CYFIP2: variants seen among roughly 807,000 people sequenced by gnomAD.
The protein encoded by CYFIP2 is cytoplasmic FMR1-interacting protein 2.
CYFIP2 carries 29 observed loss-of-function variants against 158.7 expected under a neutral mutation model. The observed-to-expected ratio is 0.18, with a 90% CI of 0.14 to 0.25. The LOEUF (loss-of-function observed/expected upper bound fraction) is 0.25, where lower values mean the gene tolerates loss of function less well. CYFIP2 is among the 10% of genes least tolerant of loss of function. The pLI, the probability that CYFIP2 is intolerant of heterozygous loss-of-function variation, is 1.00. For missense variants in CYFIP2, 852 were observed against 1,639.5 expected (o/e 0.52, Z 8.29); for synonymous variants, 585 against 617.6 (o/e 0.95, Z 0.78).
intron 26 of CYFIP2, among the ~76,000 whole-genome samples, chr5:157,368,890 T>G (rs75261950): frequency 1.5e-5 from 1 of 67,216 alleles, no homozygotes; most frequent in East Asian, 2.5e-4. Flanking sequence ...CCCAGAGGTT[T>G]TTTGTTTTTT....
chr5:157,276,562 C>T (rs1030270), intron 1 of CYFIP2, among the ~76,000 whole-genome samples: 15,852 of 152,168 alleles, frequency 0.1, 1,148 homozygotes, highest in East Asian at 0.24. Context: ...CACTTTCTAC[C>T]AGCCAAGCCA....
chr5:157,349,828 T>A (rs369648552), intron 23 of CYFIP2, among the ~76,000 whole-genome samples: 7 of 152,272 alleles, frequency 4.6e-5, no homozygotes, highest in Non-Finnish European at 1.0e-4. Context: ...TAAGGTGATA[T>A]CACATTGTGG....
intron 23 of CYFIP2, among the ~76,000 whole-genome samples, chr5:157,356,662 G>A (rs1763431748): frequency 6.6e-6 from 1 of 152,152 alleles, no homozygotes; most frequent in South Asian, 2.1e-4. Context: ...CACCTCCAGA[G>A]AGGGAAACAG....
chr5:157,354,169 A>G (rs1763258585), intron 23 of CYFIP2, among the ~76,000 whole-genome samples: 1 of 152,200 alleles, frequency 6.6e-6, no homozygotes, highest in Non-Finnish European at 1.5e-5. Context: ...ACACAGTAAT[A>G]ACATGGCTCT....
chr5:157,368,170 G>A (rs1394803153), intron 26 of CYFIP2, among the ~76,000 whole-genome samples: 2 of 152,210 alleles, frequency 1.3e-5, no homozygotes, highest in Non-Finnish European at 2.9e-5. Context: ...TGAGAAGAGT[G>A]ACTGCCTCTA....
chr5:157,296,625 G>GACA (rs1758273829), intron 4 of CYFIP2, 48 bp from the exon 5 acceptor site: 1 of 1,547,476 alleles, frequency 6.5e-7, no homozygotes, highest in South Asian at 1.1e-5. Flanking sequence ...ACAGTAATAA[G>GACA]ACAACAGGTG....
At chr5:157,333,158 G>A (rs115531820) in intron 20 of CYFIP2, among the ~76,000 whole-genome samples, 169 bp from the exon 21 acceptor site, 2,071 of 152,232 alleles carry the variant, frequency 0.014, 50 homozygotes, top group African/African-American at 0.046. Context: ...TAAACTTCCC[G>A]AGGCTCCACC....
chr5:157,366,162 C>CA (rs1286706817), intron 26 of CYFIP2, among the ~76,000 whole-genome samples: 5 of 152,148 alleles, frequency 3.3e-5, no homozygotes, highest in Non-Finnish European at 7.4e-5. Flanking sequence ...GGGGGGCTGT[C>CA]ATGTTTCATT....
chr5:157,288,651 C>T, intron 3 of CYFIP2: 1 of 455,900 alleles, frequency 2.2e-6, no homozygotes, highest in Non-Finnish European at 4.4e-6. Flanking sequence ...CTGACATCAA[C>T]CCTGTGAGGT....
At position 157,300,839 on chromosome 5, in the gene CYFIP2, T is replaced by A. The variant is rs1178497713; in HGVS notation, c.512T>A (p.Leu171Gln). The A allele has an allele frequency of 6.2e-7, 1 of 1,612,246 alleles. No individual in the cohort carries two copies. Among genetic ancestry groups the A allele is most frequent in the South Asian group, 1.1e-5 (1 of 91,000 alleles). The change falls in exon 6 of 31, where the codon CTG becomes CAG. Residue 171 changes from leucine to glutamine, a missense_variant. Coordinates refer to ENST00000620254, the MANE Select transcript of CYFIP2 (RefSeq NM_001037333.3). The part of the protein sequence containing the change: ...LGKFINMFAV[L>Q]DELKNMKCSV... The stretch of plus-strand genomic sequence containing the variant: ...AAGTTCATCAACATGTTTGCTGTCC[T>A]GGATGAGCTAAAGAACATGAAGTGC...
At chr5:157,274,033 G>A (rs1302417089) in intron 1 of CYFIP2, among the ~76,000 whole-genome samples, 4 of 151,822 alleles carry the variant, frequency 2.6e-5, no homozygotes, top group Non-Finnish European at 4.4e-5. Context: ...TACTCGGGAG[G>A]CTGAGGCAGG....
chr5:157,369,764 G>A (rs879628834), intron 26 of CYFIP2, among the ~76,000 whole-genome samples: 5 of 152,128 alleles, frequency 3.3e-5, no homozygotes, highest in African/African-American at 1.2e-4. Context: ...GGCAGTGCAG[G>A]TTAGTGCAAT....
chr5:157,329,161 C>T (rs375948744), intron 19 of CYFIP2, among the ~76,000 whole-genome samples: 8 of 152,174 alleles, frequency 5.3e-5, no homozygotes, highest in Admixed American at 3.9e-4. Context: ...TTAAATAACG[C>T]GACTCTTAAA....
At chr5:157,279,792 C>T (rs1286229678) in intron 1 of CYFIP2, among the ~76,000 whole-genome samples, 2 of 152,122 alleles carry the variant, frequency 1.3e-5, no homozygotes, top group African/African-American at 4.8e-5. Flanking sequence ...GTCACATGTT[C>T]GTAGACCGAA....
intron 6 of CYFIP2, 97 bp downstream of exon 6, chr5:157,300,993 C>T (rs1196972852): frequency 1.8e-6 from 2 of 1,135,146 alleles, no homozygotes; most frequent in Non-Finnish European, 2.4e-6. Flanking sequence ...CTCTCACCTG[C>T]TTTTTCTTTG....
chr5:157,293,898 A>T (rs144280040), intron 3 of CYFIP2, among the ~76,000 whole-genome samples: 1 of 152,244 alleles, frequency 6.6e-6, no homozygotes, highest in Non-Finnish European at 1.5e-5. Flanking sequence ...TTGGGGATCC[A>T]GTCATGGAGT....
chr5:157,280,799 C>A (rs182780971), intron 1 of CYFIP2, among the ~76,000 whole-genome samples: 2 of 151,994 alleles, frequency 1.3e-5, no homozygotes, highest in Admixed American at 1.3e-4. Context: ...GTCCTTTTAT[C>A]TATATTTTAG....
chr5:157,356,697 A>G (rs541573527), intron 23 of CYFIP2, among the ~76,000 whole-genome samples: 4 of 152,272 alleles, frequency 2.6e-5, no homozygotes, highest in South Asian at 2.1e-4. Context: ...GGGCTTTGCT[A>G]ACAGGGCAAA....
At chr5:157,276,325 GT>G (rs957059714) in intron 1 of CYFIP2, among the ~76,000 whole-genome samples, 2 of 152,012 alleles carry the variant, frequency 1.3e-5, no homozygotes, top group Non-Finnish European at 2.9e-5. Context: ...TTTTTTGAGT[GT>G]TTTTATCATG....
Sources: allele counts gnomAD v4.1 joint callset (sites outside exome capture counted in the v4.1 genomes callset), GRCh38; gene constraint gnomAD v4.1.1; transcripts MANE v1.5; gene names NCBI Gene and HGNC (gene_info 2026-07-23, HGNC 2026-07-21).